Variants in CHRD observed in about 807,000 individuals in gnomAD.
CHRD encodes chordin.
In CHRD, 69 loss-of-function variants were observed where a neutral mutation model predicts 113.7. The observed-to-expected ratio is 0.61, with a 90% CI of 0.50 to 0.74. CHRD has a LOEUF of 0.74. Among genes scored for constraint, CHRD ranks in the 30% least tolerant of loss-of-function variants. CHRD has a pLI of 0.00. For missense variants in CHRD, 1,194 were observed against 1,295.8 expected (o/e 0.92, Z 1.21); for synonymous variants, 561 against 540.8 (o/e 1.04, Z -0.52).
chr3:184,383,180 G>A lies in CHRD; in HGVS notation c.1213+17G>A, dbSNP rs994820095. 6.3e-7 allele frequency: 1 copy of A among 1,591,356 alleles called. No homozygotes were observed. On this transcript the variant is annotated intron_variant, in intron 10 of 22. Coordinates refer to ENST00000204604, the Ensembl canonical transcript of CHRD. Reference sequence around the variant, plus strand: ...GCTGCGACGGTGAGGCGGGGGGGGGGCCTGGTGCGCCGGGCATGCACAACT... The same window carrying A: ...GCTGCGACGGTGAGGCGGGGGGGGGACCTGGTGCGCCGGGCATGCACAACT...
Position 184,386,827 on chromosome 3 carries a change from C to T in CHRD, c.2197-18C>T, listed in dbSNP as rs200794121. 2.5e-6 allele frequency: 4 copies of T among 1,614,114 alleles called. No individual in the cohort carries two copies. Among genetic ancestry groups the T allele is most frequent in the African/African-American group, 2.7e-5 (2 of 75,068 alleles). Reference sequence around the variant, plus strand: ...GGGGCCTGGACACTCCCGTCAATGCCTCTGCTCCTCTCTGCAGAGACGAAC... The same window carrying T: ...GGGGCCTGGACACTCCCGTCAATGCTTCTGCTCCTCTCTGCAGAGACGAAC... On this transcript the variant is annotated intron_variant, in intron 16 of 22. Coordinates refer to ENST00000204604, the Ensembl canonical transcript of CHRD.
rs1282488560 is a variant in CHRD at position 184,387,369 on chromosome 3, A to C, written c.2348-5A>C. 6.2e-7 allele frequency: 1 copy of C among 1,606,982 alleles called. No individual in the cohort carries two copies. The highest frequency in any genetic ancestry group is 8.5e-7 in the Non-Finnish European group (1 of 1,176,866). Reference sequence around the variant, plus strand: ...TAATGGCTGCTGGGCCCTGTTCCCCACCAGGCTGCTATTTTGATGGTGACC... The same window carrying C: ...TAATGGCTGCTGGGCCCTGTTCCCCCCCAGGCTGCTATTTTGATGGTGACC... On this transcript the variant is annotated splice_polypyrimidine_tract_variant and splice_region_variant and intron_variant, in intron 18 of 22. Transcript: ENST00000204604. The surrounding 1 kb of genome is among the most constrained non-coding windows in gnomAD (Gnocchi z 6.1).
At chr3:184,386,654 C>A in exon 16 of CHRD, 1 of 1,611,050 alleles carries the variant, frequency 6.2e-7, no homozygotes, top group Non-Finnish European at 8.5e-7. Flanking sequence ...TCCTGGGCGG[C>A]CCCGAGACCC....
In CHRD at chr3:184,380,662, A is replaced by T. The variant is rs763657800; in HGVS notation, c.149-30A>T. ...GGGCGGCACACGGCGCGAGCTGGGC[A>T]GCGGCCTCCAGCCAAGCCCGTCCCC... On this transcript the variant is annotated intron_variant, in intron 1 of 22. Coordinates refer to ENST00000204604, the Ensembl canonical transcript of CHRD. The surrounding 1 kb of genome is among the most constrained non-coding windows in gnomAD (Gnocchi z 6.3). The T allele has an allele frequency of 6.6e-7, 1 of 1,525,090 alleles. No individual in the cohort carries two copies. The highest frequency in any genetic ancestry group is 2.6e-5 in the East Asian group (1 of 38,698). 94.5% of individuals were successfully genotyped at this position (1,525,090 alleles called of 1,614,324 possible).
rs371533079 is a variant in CHRD, at chr3:184,388,861, G to A, written c.2710-32G>A. The stretch of plus-strand genomic sequence containing the variant: ...GTCACTGTGTCCCAGTGCCTCTGGG[G>A]GACACTCAGTGTCTGCTCTGTCTTG... On this transcript the variant is annotated intron_variant, in intron 21 of 22. Transcript: ENST00000204604. The surrounding 1 kb of genome is among the most constrained non-coding windows in gnomAD (Gnocchi z 6.1). 1 of 1,604,518 alleles carries A rather than the reference G, an allele frequency of 6.2e-7. No homozygotes were observed. The highest frequency in any genetic ancestry group is 8.5e-7 in the Non-Finnish European group (1 of 1,172,242).
In CHRD at chr3:184,382,590, G is replaced by C. The variant is rs200378509; in HGVS notation, c.842-44G>C. 6.1e-4 allele frequency: 978 copies of C among 1,610,752 alleles called. 1 individual carries two copies. Among genetic ancestry groups the C allele is most frequent in the Non-Finnish European group, 7.6e-4 (895 of 1,177,840 alleles). ...AGTCTTCTCTATCACCCAGGAAAGG[G>C]GGGGAGGGTTTCTGACGGGCTCTCA... On this transcript the variant is annotated intron_variant, in intron 7 of 22. Transcript: ENST00000204604.
In CHRD at chr3:184,381,456, T is replaced by C. The variant is rs538246209; in HGVS notation, c.383-40T>C. Reference sequence around the variant, plus strand: ...TGGGGCGTCGGACTGGCCTTTCCCATGGCCAGCTGAAGCCCGTGTTCTTAC... The same window carrying C: ...TGGGGCGTCGGACTGGCCTTTCCCACGGCCAGCTGAAGCCCGTGTTCTTAC... On this transcript the variant is annotated intron_variant, in intron 3 of 22. Transcript: ENST00000204604. This position sits in a 1 kb window ranked among gnomAD's most constrained non-coding sequence, Gnocchi z 4.7. 1.0e-5 allele frequency: 16 copies of C among 1,591,406 alleles called. No individual in the cohort carries two copies. The South Asian group carries it at 1.8e-4, about 18-fold the overall frequency.
At chr3:184,385,908 C>G (rs1230421253) in intron 14 of CHRD, 138 bp from the exon 15 acceptor site, 1 of 851,368 alleles carries the variant, frequency 1.2e-6, no homozygotes, top group Admixed American at 2.2e-5. Context: ...CCAAGCTCCA[C>G]ACTATTGCCA....
chr3:184,389,651 C>G, exon 23 of CHRD: 1 of 549,502 alleles, frequency 1.8e-6, no homozygotes, highest in South Asian at 2.3e-5. Flanking sequence ...CCACCCTCGG[C>G]CTCTGTCCTG....
intron 6 of CHRD, 173 bp downstream of exon 6, chr3:184,382,193 C>G: frequency 8.3e-7 from 1 of 1,205,018 alleles, no homozygotes; most frequent in Non-Finnish European, 1.2e-6. Flanking sequence ...GTGATTTGTT[C>G]AAGGTCACAC....
chr3:184,388,641 G>T lies in CHRD; in HGVS notation c.2609G>T (p.Arg870Leu). 1 of 1,613,516 alleles carries T rather than the reference G, an allele frequency of 6.2e-7. No individual in the cohort carries two copies. Among genetic ancestry groups the T allele is most frequent in the Non-Finnish European group, 8.5e-7 (1 of 1,180,016 alleles). The change falls in exon 21 of 23, where the codon CGG (arginine) becomes CTG (leucine). Residue 870 changes from arginine (R) to leucine (L), a missense_variant. Coordinates refer to ENST00000204604, the Ensembl canonical transcript of CHRD. The surrounding 1 kb of genome is among the most constrained non-coding windows in gnomAD (Gnocchi z 6.1). The stretch of plus-strand genomic sequence containing the variant: ...GACCCCATGCAGGCTGATGGGCCCC[G>T]GGGCTGCCGTTTTGCTGGGCAGTGG...
In CHRD at chr3:184,387,884, C is replaced by A; in HGVS notation, c.2452-47C>A. Reference sequence around the variant, plus strand: ...AATAGGAGAGGGAGTGGGCAGGAGGCTTATGTGCCCCCTGCCTGACACTCC... The same window carrying A: ...AATAGGAGAGGGAGTGGGCAGGAGGATTATGTGCCCCCTGCCTGACACTCC... On this transcript the variant is annotated intron_variant, in intron 19 of 22. Transcript: ENST00000204604. This position sits in a 1 kb window ranked among gnomAD's most constrained non-coding sequence, Gnocchi z 6.1. The A allele has an allele frequency of 6.6e-7, 1 of 1,519,576 alleles. No homozygotes were observed. The highest frequency in any genetic ancestry group is 9.0e-7 in the Non-Finnish European group (1 of 1,107,260). The allele number at this position is 1,519,576 out of a possible 1,614,324, so 94.1% of individuals were successfully genotyped here.
rs1454659833 is a variant in CHRD, at chr3:184,386,609, G to A, written c.2050G>A (p.Gly684Ser). 9 of 1,605,124 alleles carry A rather than the reference G, an allele frequency of 5.6e-6. No homozygotes were observed. Among genetic ancestry groups the A allele is most frequent in the Non-Finnish European group, 7.6e-6 (9 of 1,178,050 alleles). The change falls in exon 16 of 23, where the codon GGT becomes AGT. Residue 684 changes from glycine (G) to serine (S), a missense_variant. Physicochemically the swap from Gly to Ser is moderately conservative, Grantham distance 56. Transcript: ENST00000204604. The stretch of plus-strand genomic sequence containing the variant: ...CTCTGCTGCGCCGCCTGTGGTGCCT[G>A]GTCTCCCGGCCCTAGCGCCCGCCAA...
At position 184,383,119 on chromosome 3, in the gene CHRD, G is replaced by A. The variant is rs1487884566; in HGVS notation, c.1169G>A (p.Gly390Glu). 7.4e-6 allele frequency: 12 copies of A among 1,611,050 alleles called. No individual in the cohort carries two copies. The highest frequency in any genetic ancestry group is 5.0e-5 in the Admixed American group (3 of 59,710). Reference sequence around the variant, plus strand: ...GCCCTGGAGTGGGCAGGCAGGCCAGGGCTGCGCATCAGTGGACACATTGCT... The same window carrying A: ...GCCCTGGAGTGGGCAGGCAGGCCAGAGCTGCGCATCAGTGGACACATTGCT... Residue 390 changes from glycine to glutamate, a missense_variant, in exon 10 of 23, where the codon GGG (glycine) becomes GAG (glutamate). Gly to Glu is a moderately conservative substitution (Grantham distance 98). Transcript: ENST00000204604.
chr3:184,381,850 G>C lies in CHRD; in HGVS notation c.611+35G>C, dbSNP rs752673621. ...GGGAAGGAGCAAGGAGGGGTCAGCTGCCGGGGCCCGGGAGGGAAACTGGGA... is the reference window on the plus strand; with the variant it reads ...GGGAAGGAGCAAGGAGGGGTCAGCTCCCGGGGCCCGGGAGGGAAACTGGGA... On this transcript the variant is annotated intron_variant, in intron 5 of 22. Transcript: ENST00000204604. The surrounding 1 kb of genome is among the most constrained non-coding windows in gnomAD (Gnocchi z 4.7). The C allele has an allele frequency of 8.1e-6, 13 of 1,611,036 alleles. No homozygotes were observed. Among genetic ancestry groups the C allele is most frequent in the Non-Finnish European group, 1.0e-5 (12 of 1,178,556 alleles).
intron 14 of CHRD, among the ~76,000 whole-genome samples, 153 bp downstream of exon 14, chr3:184,385,391 G>A (rs1003435882): frequency 6.6e-6 from 1 of 152,120 alleles, no homozygotes; most frequent in East Asian, 1.9e-4. Context: ...TTGTAGGCTG[G>A]GTGCAGTGGC....
intron 14 of CHRD, 142 bp from the exon 15 acceptor site, chr3:184,385,904 T>G: frequency 1.2e-6 from 1 of 819,948 alleles, no homozygotes; most frequent in East Asian, 2.6e-5. Flanking sequence ...GCTTCCAAGC[T>G]CCACACTATT....
Position 184,384,578 on chromosome 3 carries a change from T to C in CHRD, c.1482T>C (p.His494=), listed in dbSNP as rs747318299. 1.0e-5 allele frequency: 16 copies of C among 1,603,572 alleles called. No individual in the cohort carries two copies. The highest frequency in any genetic ancestry group is 2.2e-5 in the South Asian group (2 of 89,750). The change falls in exon 13 of 23, where the codon CAT becomes CAC. Residue 494 remains histidine (H), a synonymous_variant. Transcript: ENST00000204604. The surrounding 1 kb of genome is among the most constrained non-coding windows in gnomAD (Gnocchi z 4.4). ...CTGGGCTGGGTGCCCGAGGGGCTCA[T>C]ATGCTGCTGCAGAATGAGCTCTTCC...
Position 184,387,144 on chromosome 3 carries a change from A to T in CHRD, c.2347+37A>T. 1 of 1,593,032 alleles carries T rather than the reference A, an allele frequency of 6.3e-7. No individual in the cohort carries two copies. Among genetic ancestry groups the T allele is most frequent in the East Asian group, 2.2e-5 (1 of 44,772 alleles). ...GGGTGCGTGCAGGGTGGGAGGCCCC[A>T]GAGGAGCCATTAGGTTGAACCAGGA... is the stretch of plus-strand genomic sequence containing the variant. On this transcript the variant is annotated intron_variant, in intron 18 of 22. Transcript: ENST00000204604. The surrounding 1 kb of genome is among the most constrained non-coding windows in gnomAD (Gnocchi z 6.1).
Sources: gnomAD v4.1 joint callset for allele counts (sites outside exome capture counted in the v4.1 genomes callset) on GRCh38, gnomAD v4.1.1 for gene constraint, Gnocchi (gnomAD v3.1) non-coding constraint, MANE v1.5 for transcripts, NCBI Gene and HGNC (gene_info 2026-07-23, HGNC 2026-07-21) for gene names.